Variants in PTPRD observed in about 807,000 individuals in gnomAD.
The protein encoded by PTPRD is receptor-type tyrosine-protein phosphatase delta.
PTPRD carries 34 observed loss-of-function variants against 214.5 expected under a neutral mutation model. That is an observed-to-expected ratio of 0.16 (90% confidence interval 0.12 to 0.21). The LOEUF (loss-of-function observed/expected upper bound fraction) is 0.21, where lower values mean the gene tolerates loss of function less well. PTPRD is among the 10% of genes least tolerant of loss of function. The probability of loss-of-function intolerance (pLI) is 1.00; values close to 1 mark genes in which losing one functional copy is unlikely to be tolerated. For synonymous variants in PTPRD, 1,128 were observed against 845.7 expected (o/e 1.33, Z -5.79); for missense variants, 2,545 against 2,398.7 (o/e 1.06, Z -1.27).
At chr9:10,286,193 G>A (rs2154397239) in intron 3 of PTPRD, among the ~76,000 whole-genome samples, 1 of 152,148 alleles carries the variant, frequency 6.6e-6, no homozygotes, top group South Asian at 2.1e-4. Flanking sequence ...AGCTATTAAA[G>A]CACAAAGACA....
At chr9:8,778,241 C>A (rs1158286482) in intron 11 of PTPRD, among the ~76,000 whole-genome samples, 2 of 152,222 alleles carry the variant, frequency 1.3e-5, no homozygotes, top group Non-Finnish European at 2.9e-5. Flanking sequence ...TAACATTTCA[C>A]TACAATGAGC....
At chr9:9,208,982 G>C (rs1051164881) in intron 9 of PTPRD, among the ~76,000 whole-genome samples, 1 of 151,856 alleles carries the variant, frequency 6.6e-6, no homozygotes, top group Non-Finnish European at 1.5e-5. Flanking sequence ...TAATTTTTTT[G>C]TGCTTTTAGT....
chr9:9,138,628 G>A (rs2099854878), intron 10 of PTPRD, among the ~76,000 whole-genome samples: 1 of 152,036 alleles, frequency 6.6e-6, no homozygotes, highest in Admixed American at 6.6e-5. Flanking sequence ...GTTTGTGTGG[G>A]GAGGGAATAA....
intron 9 of PTPRD, among the ~76,000 whole-genome samples, chr9:9,324,335 A>T (rs1401971287): frequency 2.0e-5 from 3 of 152,146 alleles, no homozygotes; most frequent in Non-Finnish European, 4.4e-5. Flanking sequence ...GTTTCTCCAC[A>T]ACCTCTCCAG....
intron 9 of PTPRD, among the ~76,000 whole-genome samples, chr9:9,365,283 G>C (rs992219629): frequency 6.6e-6 from 1 of 151,492 alleles, no homozygotes; most frequent in African/African-American, 2.4e-5. Context: ...CCAGCAGTGA[G>C]ATTTAAAAGG....
intron 12 of PTPRD, among the ~76,000 whole-genome samples, chr9:8,672,431 C>T (rs2097305265): frequency 6.6e-6 from 1 of 152,076 alleles, no homozygotes; most frequent in African/African-American, 2.4e-5. Context: ...CATTTCAGAC[C>T]TTCAACTTTG....
intron 11 of PTPRD, among the ~76,000 whole-genome samples, chr9:8,875,438 T>A (rs2098378267): frequency 6.6e-6 from 1 of 152,172 alleles, no homozygotes; most frequent in Admixed American, 6.5e-5. Flanking sequence ...AATTCTAGTA[T>A]AATCACAATA....
chr9:8,977,272 G>A (rs1000850292), intron 11 of PTPRD, among the ~76,000 whole-genome samples: 6 of 152,022 alleles, frequency 3.9e-5, no homozygotes, highest in African/African-American at 1.4e-4. Flanking sequence ...AGTCTTGCCA[G>A]ATTCACAATT....
intron 8 of PTPRD, among the ~76,000 whole-genome samples, chr9:9,510,943 G>T (rs1279405875): frequency 6.6e-6 from 1 of 151,668 alleles, no homozygotes; most frequent in Non-Finnish European, 1.5e-5. Flanking sequence ...TCTAATTAAA[G>T]ATGGAGGCTG....
intron 5 of PTPRD, among the ~76,000 whole-genome samples, chr9:9,804,786 A>T (rs928329969): frequency 1.5e-4 from 23 of 151,620 alleles, no homozygotes; most frequent in African/African-American, 5.1e-4. Flanking sequence ...AAAATGTTTG[A>T]TTATAATCAG....
At chr9:8,589,951 G>C (rs2093971020) in intron 14 of PTPRD, among the ~76,000 whole-genome samples, 1 of 152,130 alleles carries the variant, frequency 6.6e-6, no homozygotes, top group Non-Finnish European at 1.5e-5. Context: ...GGAAATAACA[G>C]AAATTGCTTG....
At chr9:9,549,935 A>G (rs139941200) in intron 8 of PTPRD, among the ~76,000 whole-genome samples, 31 of 152,210 alleles carry the variant, frequency 2.0e-4, no homozygotes, top group African/African-American at 7.0e-4. Context: ...GTAAAAATAA[A>G]TAAATTGGGC....
At chr9:9,387,733 G>C (rs115823486) in intron 9 of PTPRD, among the ~76,000 whole-genome samples, 2,683 of 152,242 alleles carry the variant, frequency 0.018, 84 homozygotes, top group African/African-American at 0.061. Flanking sequence ...CCTATGGGAT[G>C]GGGGCATGGC....
At chr9:10,158,585 A>G (rs934494561) in intron 3 of PTPRD, among the ~76,000 whole-genome samples, 2 of 152,138 alleles carry the variant, frequency 1.3e-5, no homozygotes, top group Non-Finnish European at 2.9e-5. Flanking sequence ...ATTACCATCA[A>G]CATCTCAGGA....
chr9:8,846,095 G>T (rs1025004107), intron 11 of PTPRD, among the ~76,000 whole-genome samples: 4 of 152,204 alleles, frequency 2.6e-5, no homozygotes, highest in African/African-American at 9.7e-5. Context: ...AGTGGCATAT[G>T]AGTAGATACA....
chr9:9,503,448 G>C (rs2096484834), intron 8 of PTPRD, among the ~76,000 whole-genome samples: 1 of 151,572 alleles, frequency 6.6e-6, no homozygotes, highest in Non-Finnish European at 1.5e-5. Flanking sequence ...TGTCAATAGG[G>C]GGCTTAGGTT....
chr9:9,456,697 C>A (rs1441741128), intron 8 of PTPRD, among the ~76,000 whole-genome samples: 1 of 151,716 alleles, frequency 6.6e-6, no homozygotes, highest in Admixed American at 6.6e-5. Context: ...TTTTCATTTA[C>A]TAATCTTAAA....
At chr9:9,063,859 G>C (rs2154403042) in intron 10 of PTPRD, among the ~76,000 whole-genome samples, 1 of 152,168 alleles carries the variant, frequency 6.6e-6, no homozygotes, top group East Asian at 1.9e-4. Context: ...CAGGTCATTA[G>C]ATAAGTACAT....
chr9:10,061,583 T>C (rs535049374), intron 3 of PTPRD, among the ~76,000 whole-genome samples: 25 of 152,208 alleles, frequency 1.6e-4, no homozygotes, highest in Non-Finnish European at 3.1e-4. Flanking sequence ...TATTGTCTTC[T>C]ATGATACCTT....
Sources: allele counts gnomAD v4.1 joint callset (sites outside exome capture counted in the v4.1 genomes callset), GRCh38; gene constraint gnomAD v4.1.1; transcripts MANE v1.5; gene names NCBI Gene and HGNC (gene_info 2026-07-23, HGNC 2026-07-21).